Variants in ADAMTSL1 observed in about 807,000 individuals in gnomAD.
ADAMTSL1 encodes ADAMTS like 1.
Under a neutral mutation model 201.8 loss-of-function variants are expected in ADAMTSL1, and 126 were observed. The observed-to-expected ratio is 0.62, with a 90% CI of 0.54 to 0.72. ADAMTSL1 has a LOEUF of 0.72. Among genes scored for constraint, ADAMTSL1 ranks in the 30% least tolerant of loss-of-function variants. The pLI is 0.00. For missense variants in ADAMTSL1, 2,679 were observed against 2,277.8 expected (o/e 1.18, Z -3.59); for synonymous variants, 1,121 against 903.4 (o/e 1.24, Z -4.32).
intron 15 of ADAMTSL1, among the ~76,000 whole-genome samples, chr9:18,749,657 A>C (rs1346783877): frequency 1.3e-5 from 2 of 152,240 alleles, no homozygotes; most frequent in Non-Finnish European, 2.9e-5. Flanking sequence ...GGAATAGGGC[A>C]TCAGCCCCCA....
In ADAMTSL1 at chr9:18,503,852, C is replaced by T. The variant is rs74790987; in HGVS notation, c.64-977C>T. The stretch of plus-strand genomic sequence containing the variant: ...TCAAAGGAGTAGTCAGTTTAATAAC[C>T]GCACCCCATAGCAACTGATTGATAA... On this transcript the variant is annotated intron_variant, in intron 1 of 28. Coordinates refer to ENST00000380548, the MANE Select transcript of ADAMTSL1 (RefSeq NM_001040272.6). Among the ~76,000 whole-genome samples the T allele has an allele frequency of 9.6e-3, 1,463 of 152,036 alleles. 26 individuals carry two copies. Among genetic ancestry groups the T allele is most frequent in the African/African-American group, 0.033 (1,378 of 41,466 alleles).
intron 1 of ADAMTSL1, among the ~76,000 whole-genome samples, chr9:18,079,192 C>A (rs190973836): frequency 4.6e-5 from 7 of 152,258 alleles, no homozygotes; most frequent in African/African-American, 1.4e-4. Context: ...CTTCTTTTCT[C>A]AAAATGTATT....
intron 2 of ADAMTSL1, among the ~76,000 whole-genome samples, chr9:18,309,664 C>T (rs1369457145): frequency 1.3e-5 from 2 of 152,070 alleles, no homozygotes; most frequent in African/African-American, 4.8e-5. Context: ...CTAAAAACCA[C>T]TGCTCAACAA....
intron 1 of ADAMTSL1, among the ~76,000 whole-genome samples, chr9:18,102,454 T>G: frequency 6.6e-6 from 1 of 152,248 alleles, no homozygotes; most frequent in East Asian, 1.9e-4. Flanking sequence ...TCACAAATGT[T>G]TCAAAAACGT....
chr9:18,424,966 C>T (rs751246028), intron 2 of ADAMTSL1, among the ~76,000 whole-genome samples: 1 of 152,134 alleles, frequency 6.6e-6, no homozygotes, highest in Non-Finnish European at 1.5e-5. Context: ...TTTGAATTAC[C>T]ACCTATGATC....
chr9:18,846,561 G>C (rs565237809), intron 23 of ADAMTSL1, among the ~76,000 whole-genome samples: 3 of 152,336 alleles, frequency 2.0e-5, no homozygotes, highest in African/African-American at 4.8e-5. Flanking sequence ...TTTGCCCTAA[G>C]TGCAATGGGA....
chr9:18,291,219 T>G (rs73643222), intron 2 of ADAMTSL1, among the ~76,000 whole-genome samples: 9,284 of 152,220 alleles, frequency 0.061, 952 homozygotes, highest in African/African-American at 0.21. Flanking sequence ...AAATAAATGA[T>G]ACTAAATCCT....
intron 1 of ADAMTSL1, among the ~76,000 whole-genome samples, chr9:18,141,377 C>T (rs1462853781): frequency 1.3e-5 from 2 of 152,152 alleles, no homozygotes; most frequent in Non-Finnish European, 2.9e-5. Flanking sequence ...GCTCTGGACA[C>T]CAGCAACATG....
At chr9:18,626,870 T>A (rs796138604) in intron 5 of ADAMTSL1, among the ~76,000 whole-genome samples, 16,219 of 141,062 alleles carry the variant, frequency 0.11, 1,135 homozygotes, top group Admixed American at 0.19. Flanking sequence ...TTTCTTTCTG[T>A]CTTTCTTCCT....
intron 1 of ADAMTSL1, among the ~76,000 whole-genome samples, chr9:18,076,510 A>C (rs146183058): frequency 6.6e-6 from 1 of 152,228 alleles, no homozygotes; most frequent in Non-Finnish European, 1.5e-5. Flanking sequence ...CCTCCATGGG[A>C]TAATGAGGAA....
intron 2 of ADAMTSL1, among the ~76,000 whole-genome samples, chr9:18,261,012 CTTTTT>C (rs3085417): frequency 2.9e-5 from 3 of 104,230 alleles, no homozygotes; most frequent in Non-Finnish European, 3.7e-5. Flanking sequence ...TTTCCTTTTT[CTTTTT>C]TTTTTTTTTT....
At chr9:18,122,382 T>C (rs1446554612) in intron 1 of ADAMTSL1, among the ~76,000 whole-genome samples, 3 of 152,118 alleles carry the variant, frequency 2.0e-5, no homozygotes, top group African/African-American at 7.2e-5. Flanking sequence ...GTCAAGAGTT[T>C]AATACGCTGA....
intron 2 of ADAMTSL1, among the ~76,000 whole-genome samples, chr9:18,177,777 T>G (rs1290203669): frequency 2.6e-5 from 4 of 152,140 alleles, no homozygotes; most frequent in Admixed American, 6.6e-5. Flanking sequence ...AAGGATTTGG[T>G]TACATACCCA....
intron 7 of ADAMTSL1, among the ~76,000 whole-genome samples, chr9:18,656,512 C>G (rs889958234): frequency 1.3e-5 from 2 of 151,584 alleles, no homozygotes; most frequent in Non-Finnish European, 2.9e-5. Context: ...GTCTGTAGTC[C>G]CAGCTACTCG....
intron 2 of ADAMTSL1, among the ~76,000 whole-genome samples, chr9:18,385,472 T>C (rs1267564133): frequency 6.6e-6 from 1 of 152,232 alleles, no homozygotes. Flanking sequence ...TCCTTGAGAT[T>C]ATTTCAAACA....
chr9:18,452,767 A>G (rs998752190), intron 2 of ADAMTSL1, among the ~76,000 whole-genome samples: 2 of 152,226 alleles, frequency 1.3e-5, no homozygotes, highest in Admixed American at 1.3e-4. Flanking sequence ...CTTTGATTCC[A>G]TGTCTCACAT....
At chr9:18,884,884 T>C (rs1001430784) in intron 23 of ADAMTSL1, among the ~76,000 whole-genome samples, 55 of 152,192 alleles carry the variant, frequency 3.6e-4, no homozygotes, top group African/African-American at 1.3e-3. Flanking sequence ...GTTTTTGATA[T>C]TCCATATAAA....
intron 1 of ADAMTSL1, among the ~76,000 whole-genome samples, chr9:18,134,803 G>C (rs542973958): frequency 1.5e-4 from 23 of 152,280 alleles, no homozygotes; most frequent in African/African-American, 5.5e-4. Context: ...AGAATGGCAG[G>C]GTTTGTTGTG....
chr9:18,029,879 T>C (rs370106902), intron 1 of ADAMTSL1, among the ~76,000 whole-genome samples: 1 of 151,986 alleles, frequency 6.6e-6, no homozygotes. Flanking sequence ...ATGGTGATCA[T>C]TAAAAAGTCA....
Sources: gnomAD v4.1 joint callset for allele counts (sites outside exome capture counted in the v4.1 genomes callset) on GRCh38, gnomAD v4.1.1 for gene constraint, MANE v1.5 for transcripts, NCBI Gene and HGNC (gene_info 2026-07-23, HGNC 2026-07-21) for gene names.